TSG101: variants seen among roughly 807,000 people sequenced by gnomAD.
The protein encoded by TSG101 is tumor susceptibility 101.
Under a neutral mutation model 48.5 loss-of-function variants are expected in TSG101, and 19 were observed. The observed-to-expected ratio is 0.39, with a 90% CI of 0.27 to 0.58. The LOEUF is 0.58. Ranked by LOEUF, TSG101 falls within the 20% of genes least tolerant of loss-of-function variation. The pLI is 0.55. For synonymous variants in TSG101, 174 were observed against 169.4 expected (o/e 1.03, Z -0.21); for missense variants, 365 against 484.4 (o/e 0.75, Z 2.31).
intron 4 of TSG101, among the ~76,000 whole-genome samples, chr11:18,510,446 C>T (rs530980013): frequency 1.8e-4 from 28 of 152,162 alleles, no homozygotes; most frequent in Non-Finnish European, 2.6e-4. Flanking sequence ...AAAAATTATA[C>T]GTAGATTCTA....
In TSG101 at chr11:18,526,900, AC is replaced by A; in HGVS notation, c.-85del. The A allele has an allele frequency of 6.9e-7, 1 of 1,454,476 alleles. No homozygotes were observed. Among genetic ancestry groups the A allele is most frequent in the Non-Finnish European group, 9.3e-7 (1 of 1,075,978 alleles). The allele number at this position is 1,454,476 out of a possible 1,614,324, so 90.1% of individuals were successfully genotyped here. A position where few individuals can be genotyped will look rare whatever the true frequency, so the allele number is the denominator to read the frequency against. On this transcript the variant is annotated 5_prime_UTR_variant, in exon 1 of 10. Coordinates refer to ENST00000251968, the MANE Select transcript of TSG101 (RefSeq NM_006292.4). ...CCCAGACCGTCCCACACAATCGCAC[AC>A]CCCCAACCCGGCCTCAAACAACAGG...
chr11:18,491,702 C>G (rs1167086296), intron 7 of TSG101, among the ~76,000 whole-genome samples: 2 of 152,190 alleles, frequency 1.3e-5, no homozygotes, highest in Non-Finnish European at 2.9e-5. Context: ...CATGAACTTG[C>G]AATGAGTGTC....
chr11:18,514,009 G>A (rs1332808404), intron 4 of TSG101, among the ~76,000 whole-genome samples: 2 of 151,986 alleles, frequency 1.3e-5, no homozygotes, highest in Non-Finnish European at 2.9e-5. Context: ...GCTTGGACCT[G>A]GGAGGTGGAG....
At chr11:18,505,807 A>T (rs1449967195) in intron 6 of TSG101, among the ~76,000 whole-genome samples, 1 of 152,074 alleles carries the variant, frequency 6.6e-6, no homozygotes, top group Non-Finnish European at 1.5e-5. Context: ...AATGTATAGA[A>T]AAGATAGGTT....
intron 6 of TSG101, among the ~76,000 whole-genome samples, chr11:18,505,424 T>C (rs1197102530): frequency 6.6e-6 from 1 of 152,060 alleles, no homozygotes; most frequent in Admixed American, 6.6e-5. Flanking sequence ...CCTGGCTAAT[T>C]TTAATTTTTT....
chr11:18,484,209 T>C (rs1849587733), intron 7 of TSG101, 137 bp from the exon 8 acceptor site: 1 of 769,516 alleles, frequency 1.3e-6, no homozygotes, highest in South Asian at 1.8e-5. Context: ...ATGTTACCAG[T>C]TTCATGAGAA....
intron 8 of TSG101, 155 bp downstream of exon 8, chr11:18,483,715 G>T: frequency 1.3e-6 from 1 of 764,114 alleles, no homozygotes; most frequent in Non-Finnish European, 2.1e-6. Context: ...AGGCTCCACT[G>T]TAAACAAAGG....
chr11:18,489,912 C>A (rs1056763090), intron 7 of TSG101, among the ~76,000 whole-genome samples: 5 of 152,172 alleles, frequency 3.3e-5, no homozygotes, highest in African/African-American at 1.2e-4. Context: ...AAAAGTTACA[C>A]ATAATTCAGG....
Position 18,526,908 on chromosome 11 carries a change from C to A in TSG101, c.-92G>T, listed in dbSNP as rs1195053675. On this transcript the variant is annotated 5_prime_UTR_variant, in exon 1 of 10. Transcript: ENST00000251968. The stretch of plus-strand genomic sequence containing the variant: ...GTCCCACACAATCGCACACCCCCAA[C>A]CCGGCCTCAAACAACAGGAAGTCGG... 8 of 1,427,406 alleles carry A rather than the reference C, an allele frequency of 5.6e-6. No individual in the cohort carries two copies. Among genetic ancestry groups the A allele is most frequent in the African/African-American group, 4.3e-5 (3 of 70,574 alleles). 88.4% of individuals were successfully genotyped at this position (1,427,406 alleles called of 1,614,324 possible).
At chr11:18,505,816 T>C (rs1233215191) in intron 6 of TSG101, among the ~76,000 whole-genome samples, 1 of 151,892 alleles carries the variant, frequency 6.6e-6, no homozygotes, top group Non-Finnish European at 1.5e-5. Context: ...AAAAGATAGG[T>C]TGTGGGGTTT....
chr11:18,521,028 C>G, intron 1 of TSG101, among the ~76,000 whole-genome samples: 1 of 148,144 alleles, frequency 6.8e-6, no homozygotes, highest in African/African-American at 2.5e-5. Context: ...TAGACTCCGT[C>G]TTGGAAAAAA....
At chr11:18,523,463 A>C (rs1850313438) in intron 1 of TSG101, among the ~76,000 whole-genome samples, 1 of 152,090 alleles carries the variant, frequency 6.6e-6, no homozygotes, top group African/African-American at 2.4e-5. Flanking sequence ...CTAGAACCTA[A>C]AACAGTGAGG....
chr11:18,518,157 A>G (rs1850210015), intron 2 of TSG101, among the ~76,000 whole-genome samples: 1 of 152,212 alleles, frequency 6.6e-6, no homozygotes. Context: ...TCAAAATACC[A>G]TTGTACATAT....
At chr11:18,510,766 A>C (rs1416004036) in intron 4 of TSG101, among the ~76,000 whole-genome samples, 1 of 119,914 alleles carries the variant, frequency 8.3e-6, no homozygotes, top group African/African-American at 2.6e-5. Context: ...TGGTCTCTAC[A>C]AAAAAATTAA....
chr11:18,520,358 G>C (rs879538680), intron 1 of TSG101, among the ~76,000 whole-genome samples: 2 of 152,072 alleles, frequency 1.3e-5, no homozygotes, highest in Non-Finnish European at 2.9e-5. Context: ...CAAGTATACA[G>C]AACTACAGGC....
At chr11:18,493,245 T>C (rs757962331) in intron 7 of TSG101, among the ~76,000 whole-genome samples, 52 of 152,216 alleles carry the variant, frequency 3.4e-4, no homozygotes, top group Non-Finnish European at 6.5e-4. Context: ...AAATAAGATA[T>C]AATTTTTCTA....
rs1565085921 is a variant in TSG101, at chr11:18,496,458, A to AAAATAAAATAAAATAAAATAAAATAAAAT, written c.640+5999_640+6027dup. On this transcript the variant is annotated intron_variant, in intron 7 of 9. Coordinates refer to ENST00000251968, the MANE Select transcript of TSG101 (RefSeq NM_006292.4). ...CTCTGTCTCAAAAATAAAATAAAATAAAATAAAATAAAATAAAATAAAATA... is the reference window on the plus strand; with the variant it reads ...CTCTGTCTCAAAAATAAAATAAAATAAAATAAAATAAAATAAAATAAAATAAAATAAATAAAATAAAATAAAATAAAATA... 1.8e-3 allele frequency among the ~76,000 whole-genome samples: 159 copies of AAAATAAAATAAAATAAAATAAAATAAAAT among 88,264 alleles called. 4 individuals carry two copies. The highest frequency in any genetic ancestry group is 4.6e-3 in the South Asian group (11 of 2,366). The allele number at this position is 88,264 out of a possible 152,430, so 57.9% of individuals were successfully genotyped here. A position where few individuals can be genotyped will look rare whatever the true frequency, so the allele number is the denominator to read the frequency against.
In TSG101 at chr11:18,509,654, G is replaced by A. The variant is rs1850046291; in HGVS notation, c.369C>T (p.Asp123=). 2 of 1,594,814 alleles carry A rather than the reference G, an allele frequency of 1.3e-6. No individual in the cohort carries two copies. Among genetic ancestry groups the A allele is most frequent in the Non-Finnish European group, 1.7e-6 (2 of 1,168,720 alleles). The change falls in exon 5 of 10, where the codon GAC becomes GAT. Residue 123 remains aspartate, a synonymous_variant. Coordinates refer to ENST00000251968, the MANE Select transcript of TSG101 (RefSeq NM_006292.4). ...YLHEWKHPQS[D]LLGLIQVMIV... ...TCATGACCTGAATAAGCCCCAACAAGTCTGACTGTGGCTACAAAATGAAAA... is the reference window on the plus strand; with the variant it reads ...TCATGACCTGAATAAGCCCCAACAAATCTGACTGTGGCTACAAAATGAAAA...
chr11:18,486,275 G>A (rs1444080376), intron 7 of TSG101, among the ~76,000 whole-genome samples: 1 of 152,252 alleles, frequency 6.6e-6, no homozygotes, highest in Non-Finnish European at 1.5e-5. Flanking sequence ...CAAGTGGGCC[G>A]AATGGGAGGG....
Sources: gnomAD v4.1 joint callset for allele counts (sites outside exome capture counted in the v4.1 genomes callset) on GRCh38, gnomAD v4.1.1 for gene constraint, MANE v1.5 for transcripts, NCBI Gene and HGNC (gene_info 2026-07-23, HGNC 2026-07-21) for gene names.